COL6A3: variants seen among roughly 807,000 people sequenced by gnomAD.
The protein encoded by COL6A3 is collagen type VI alpha 3 chain, also known as collagen alpha-3(VI) chain.
COL6A3 carries 137 observed loss-of-function variants against 274.1 expected under a neutral mutation model. The ratio of observed to expected loss-of-function variants is 0.50; its 90% CI spans 0.44 to 0.58. The LOEUF (loss-of-function observed/expected upper bound fraction) is 0.58. COL6A3 is among the 20% of genes least tolerant of loss of function. The pLI, the probability that COL6A3 is intolerant of heterozygous loss-of-function variation, is 0.00. For synonymous variants in COL6A3, 1,650 were observed against 1,650.6 expected (o/e 1.00, Z 0.01); for missense variants, 3,950 against 4,124.9 (o/e 0.96, Z 1.16).
At chr2:237,336,863 TA>T (rs1468752186) in intron 39 of COL6A3, among the ~76,000 whole-genome samples, 2 of 152,174 alleles carry the variant, frequency 1.3e-5, no homozygotes, top group Non-Finnish European at 2.9e-5. Context: ...TTATAGCAAT[TA>T]ACCAACCAAA....
intron 28 of COL6A3, among the ~76,000 whole-genome samples, chr2:237,349,897 C>G (rs572221275): frequency 1.3e-5 from 2 of 152,194 alleles, no homozygotes; most frequent in Non-Finnish European, 2.9e-5. Context: ...CCTCTACATT[C>G]TCTTGTATCA....
intron 29 of COL6A3, 100 bp from the exon 30 acceptor site, chr2:237,348,484 C>T (rs3790990): frequency 2.4e-5 from 32 of 1,334,522 alleles, no homozygotes; most frequent in Admixed American, 3.5e-5. Context: ...AGTCATCAAA[C>T]GAAAACACTC....
Position 237,381,050 on chromosome 2 carries a change from C to A in COL6A3, c.1762G>T (p.Asp588Tyr). 1 of 1,614,196 alleles carries A rather than the reference C, an allele frequency of 6.2e-7. No homozygotes were observed. Among genetic ancestry groups the A allele is most frequent in the Non-Finnish European group, 8.5e-7 (1 of 1,180,040 alleles). ...MAFAIGNKGA[D>Y]QAELEEIAFD... ...GCGATCTCTTCCAGCTCAGCCTGAT[C>A]GGCACCCTTGTTCCCAATGGCAAAG... The change falls in exon 5 of 44, where the codon GAT (aspartate) becomes TAT (tyrosine). Residue 588 changes from aspartate (D) to tyrosine (Y), a missense_variant. This residue lies in a region of COL6A3 where 1,934 missense variants were observed against 1,984.3 expected (regional missense o/e 0.97). Coordinates refer to ENST00000295550, the MANE Select transcript of COL6A3 (RefSeq NM_004369.4).
rs1314743000 is a variant in COL6A3 at position 237,361,852 on chromosome 2, C to A, written c.6064-21G>T. On this transcript the variant is annotated intron_variant, in intron 14 of 43. Transcript: ENST00000295550. The surrounding 1 kb of genome is among the most constrained non-coding windows in gnomAD (Gnocchi z 5.1). The stretch of plus-strand genomic sequence containing the variant: ...TTGTCCTACCGAAAGGAAGAGAAAC[C>A]AAATGTTCAGATCTCAAGAAATGCC... The A allele has an allele frequency of 1.2e-6, 2 of 1,605,094 alleles. No individual in the cohort carries two copies. Among genetic ancestry groups the A allele is most frequent in the Admixed American group, 1.7e-5 (1 of 60,008 alleles).
At position 237,324,548 on chromosome 2, in the gene COL6A3, A is replaced by G. The variant is rs2106297372; in HGVS notation, c.*226T>C. On this transcript the variant is annotated 3_prime_UTR_variant, in exon 44 of 44. Transcript: ENST00000295550. ...AGTGGCTAACTGTTACACAACATTC[A>G]AAGTATTCGAGAGAACTGCCTGGAG... The G allele has an allele frequency of 1.8e-6, 1 of 548,634 alleles. No individual in the cohort carries two copies. The highest frequency in any genetic ancestry group is 2.2e-5 in the South Asian group (1 of 45,258). 34.0% of individuals were successfully genotyped at this position (548,634 alleles called of 1,614,324 possible).
chr2:237,371,916 G>A lies in COL6A3; in HGVS notation c.4101C>T (p.Phe1367=), dbSNP rs1340561980. The change falls in exon 9 of 44, where the codon TTC becomes TTT. Residue 1367 remains phenylalanine (F), a synonymous_variant. Transcript: ENST00000295550. This position sits in a 1 kb window ranked among gnomAD's most constrained non-coding sequence, Gnocchi z 4.3. The stretch of plus-strand genomic sequence containing the variant: ...CCTGGTCTGCGTTCCTGGCGATCGT[G>A]AAAGGGGCCACGCCAAACTGCTTGA... ...VELKQFGVAP[F]TIARNADQEE... 6.2e-7 allele frequency: 1 copy of A among 1,613,878 alleles called. No homozygotes were observed. Among genetic ancestry groups the A allele is most frequent in the African/African-American group, 1.3e-5 (1 of 74,888 alleles).
At chr2:237,333,089 T>A (rs1305876647) in intron 42 of COL6A3, 1 of 329,740 alleles carries the variant, frequency 3.0e-6, no homozygotes, top group Admixed American at 4.0e-5. Flanking sequence ...GCAGTTTTTT[T>A]ATTAGATTAA....
chr2:237,324,476 CT>C lies in COL6A3; in HGVS notation c.*297del, dbSNP rs1699826249. 5.3e-6 allele frequency: 2 copies of C among 379,814 alleles called. No individual in the cohort carries two copies. Among genetic ancestry groups the C allele is most frequent in the Non-Finnish European group, 9.7e-6 (2 of 205,288 alleles). The allele number at this position is 379,814 out of a possible 1,614,324, so 23.5% of individuals were successfully genotyped here. A position where few individuals can be genotyped will look rare whatever the true frequency, so the allele number is the denominator to read the frequency against. On this transcript the variant is annotated 3_prime_UTR_variant, in exon 44 of 44. Coordinates refer to ENST00000295550, the MANE Select transcript of COL6A3 (RefSeq NM_004369.4). The stretch of plus-strand genomic sequence containing the variant: ...TGCCTGCAACAGGCATAACATGAAA[CT>C]CCAGAGGGAATTTGGATTGATAGGA...
intron 1 of COL6A3, among the ~76,000 whole-genome samples, chr2:237,411,579 TAA>T (rs1238122299): frequency 6.6e-6 from 1 of 152,210 alleles, no homozygotes; most frequent in East Asian, 1.9e-4. Flanking sequence ...ATTGGAACCA[TAA>T]ATCAACAATC....
Position 237,340,993 on chromosome 2 carries a change from G to A in COL6A3, c.7923C>T (p.Tyr2641=), listed in dbSNP as rs756212605. Residue 2641 remains tyrosine, a synonymous_variant, in exon 38 of 44, where the codon TAC becomes TAT. Coordinates refer to ENST00000295550, the MANE Select transcript of COL6A3 (RefSeq NM_004369.4). ...TLFQFNEMKK[Y]IAYLVRQLDM... ...CCAGTTGTCTGACCAGGTACGCTAT[G>A]TACTTCTTCATCTCATTGAACTGGA... is the stretch of plus-strand genomic sequence containing the variant. The A allele has an allele frequency of 1.2e-6, 2 of 1,614,178 alleles. No homozygotes were observed. Among genetic ancestry groups the A allele is most frequent in the Non-Finnish European group, 1.7e-6 (2 of 1,180,030 alleles).
chr2:237,403,802 A>C (rs936211149), intron 1 of COL6A3, among the ~76,000 whole-genome samples: 1 of 151,280 alleles, frequency 6.6e-6, no homozygotes, highest in African/African-American at 2.4e-5. Flanking sequence ...TCCTCCCTCC[A>C]CTTAGGTTGA....
intron 38 of COL6A3, among the ~76,000 whole-genome samples, chr2:237,339,543 A>G (rs899709332): frequency 2.6e-5 from 4 of 152,234 alleles, no homozygotes; most frequent in African/African-American, 9.6e-5. Context: ...CCTGTGGGTG[A>G]ACCTGGGGGA....
chr2:237,412,081 C>G (rs2106410614), intron 1 of COL6A3, among the ~76,000 whole-genome samples: 1 of 152,346 alleles, frequency 6.6e-6, no homozygotes. Flanking sequence ...AGAACTAAAC[C>G]TCTGGGTAGC....
chr2:237,342,380 C>T (rs1489525981), intron 36 of COL6A3: 4 of 565,738 alleles, frequency 7.1e-6, no homozygotes, highest in African/African-American at 1.9e-5. Context: ...GTTCATATCC[C>T]GTTCAAATGG....
In COL6A3 at chr2:237,412,764, C is replaced by T. The variant is rs118151512; in HGVS notation, c.-31+1189G>A. 1.9e-3 allele frequency among the ~76,000 whole-genome samples: 295 copies of T among 152,320 alleles called. 3 individuals carry two copies. In the East Asian group the frequency reaches 0.045, roughly 23 times the overall value. On this transcript the variant is annotated intron_variant, in intron 1 of 43. Transcript: ENST00000295550. ...TCCCAGGTTGAGCATCCACCATCCC[C>T]GTGAGCTCTGAGCACCCTGCAGCTC...
intron 36 of COL6A3, chr2:237,343,578 A>C (rs2077038525): frequency 1.6e-5 from 2 of 122,318 alleles, no homozygotes; most frequent in African/African-American, 3.0e-5. Context: ...AAAAAAAAAC[A>C]CACAATTAAA....
At chr2:237,385,781 T>G (rs79217625) in intron 4 of COL6A3, among the ~76,000 whole-genome samples, 1,847 of 152,300 alleles carry the variant, frequency 0.012, 63 homozygotes, top group Admixed American at 0.059. Flanking sequence ...GCACCGGGCA[T>G]GTAGTCCTGT....
At position 237,361,881 on chromosome 2, in the gene COL6A3, C is replaced by A. The variant is rs1302878075; in HGVS notation, c.6064-50G>T. 1 of 1,527,454 alleles carries A rather than the reference C, an allele frequency of 6.5e-7. No individual in the cohort carries two copies. Among genetic ancestry groups the A allele is most frequent in the Non-Finnish European group, 9.1e-7 (1 of 1,100,908 alleles). The allele number at this position is 1,527,454 out of a possible 1,614,324, so 94.6% of individuals were successfully genotyped here. On this transcript the variant is annotated intron_variant, in intron 14 of 43. Coordinates refer to ENST00000295550, the MANE Select transcript of COL6A3 (RefSeq NM_004369.4). This position sits in a 1 kb window ranked among gnomAD's most constrained non-coding sequence, Gnocchi z 5.1. Reference sequence around the variant, plus strand: ...TGTTCAGATCTCAAGAAATGCCCAGCAGAAAATCATAAATGCGCTTTAAGG... The same window carrying A: ...TGTTCAGATCTCAAGAAATGCCCAGAAGAAAATCATAAATGCGCTTTAAGG...
chr2:237,409,287 C>CT (rs143013826), intron 1 of COL6A3, among the ~76,000 whole-genome samples: 1 of 151,978 alleles, frequency 6.6e-6, no homozygotes, highest in Non-Finnish European at 1.5e-5. Context: ...AATGTATTCT[C>CT]TTTTTTTATT....
Sources: gnomAD v4.1 joint callset for allele counts (sites outside exome capture counted in the v4.1 genomes callset) on GRCh38, gnomAD v4.1.1 for gene constraint, gnomAD v4.1.1 regional missense constraint, Gnocchi (gnomAD v3.1) non-coding constraint, MANE v1.5 for transcripts, NCBI Gene and HGNC (gene_info 2026-07-23, HGNC 2026-07-21) for gene names.